CACNB4: variants seen among roughly 807,000 people sequenced by gnomAD.
The protein encoded by CACNB4 is calcium voltage-gated channel auxiliary subunit beta 4, also known as voltage-dependent L-type calcium channel subunit beta-4.
CACNB4 carries 32 observed loss-of-function variants against 71.2 expected under a neutral mutation model. That is an observed-to-expected ratio of 0.45 (90% CI 0.34 to 0.60). CACNB4 has a LOEUF of 0.60. CACNB4 is among the 20% of genes least tolerant of loss of function. CACNB4 has a pLI of 0.01. For synonymous variants in CACNB4, 231 were observed against 236.9 expected (o/e 0.97, Z 0.23); for missense variants, 464 against 647.9 (o/e 0.72, Z 3.08).
upstream of CACNB4, chr2:152,099,091 G>A (rs927473107): frequency 3.2e-6 from 3 of 944,684 alleles, no homozygotes; most frequent in East Asian, 3.1e-5. Context: ...CGGACGGAGG[G>A]GGAGGGCGCA....
intron 2 of CACNB4, among the ~76,000 whole-genome samples, chr2:151,987,937 C>T (rs2151758690): frequency 1.3e-5 from 2 of 152,290 alleles, no homozygotes; most frequent in Admixed American, 1.3e-4. Context: ...TGAAAAATCT[C>T]TACATATATT....
intron 9 of CACNB4, chr2:151,866,990 T>G (rs1243763485): frequency 6.6e-6 from 1 of 152,256 alleles, no homozygotes; most frequent in East Asian, 1.9e-4. Flanking sequence ...TACAATTAAA[T>G]AAATTCCCTT....
At chr2:151,856,219 T>TTATA (rs35495696) in intron 10 of CACNB4, among the ~76,000 whole-genome samples, 14 of 149,556 alleles carry the variant, frequency 9.4e-5, no homozygotes, top group East Asian at 5.8e-4. Flanking sequence ...TAAAAAAGTT[T>TTATA]TATATATATA....
intron 4 of CACNB4, among the ~76,000 whole-genome samples, chr2:151,878,580 CAGTT>C (rs147611042): frequency 1.5e-5 from 2 of 136,038 alleles, no homozygotes; most frequent in African/African-American, 2.5e-5. Flanking sequence ...CACACACACA[CAGTT>C]AGCTGGGTAT....
chr2:151,930,406 A>AT lies in CACNB4; in HGVS notation c.148-47037dup, dbSNP rs199978777. Among the ~76,000 whole-genome samples, 1,268 of 152,286 alleles carry AT rather than the reference A, an allele frequency of 8.3e-3. 14 individuals are homozygous for AT. The highest frequency in any genetic ancestry group is 0.029 in the African/African-American group (1,187 of 41,550). On this transcript the variant is annotated intron_variant, in intron 2 of 13. Coordinates refer to ENST00000539935, the MANE Select transcript of CACNB4 (RefSeq NM_000726.5). ...TCAGAATAAAGTATATAAAACTAAA[A>AT]TTTTTTGATATGGGGAGTATTAAAG...
intron 2 of CACNB4, among the ~76,000 whole-genome samples, chr2:152,032,557 A>C (rs1684343045): frequency 6.6e-6 from 1 of 152,254 alleles, no homozygotes; most frequent in South Asian, 2.1e-4. Context: ...GAGACATTTT[A>C]ATACAACTTT....
chr2:151,861,620 A>T (rs988912515), intron 9 of CACNB4: 2 of 152,096 alleles, frequency 1.3e-5, no homozygotes, highest in Non-Finnish European at 2.9e-5. Flanking sequence ...ACATGGGTGG[A>T]TCATTTGAGG....
At chr2:152,085,773 GC>G (rs1244552867) in intron 2 of CACNB4, among the ~76,000 whole-genome samples, 1 of 150,634 alleles carries the variant, frequency 6.6e-6, no homozygotes, top group Non-Finnish European at 1.5e-5. Flanking sequence ...CATACGTTTT[GC>G]CTGCCTGCAC....
In CACNB4 at chr2:151,833,205, T is replaced by C. The variant is rs1404619506; in HGVS notation, c.*5914A>G. Reference sequence around the variant, plus strand: ...CTCAGAATAGTAGGAAAAATCTTTTTACATCATTTTGCCATATTTCTGTTT... The same window carrying C: ...CTCAGAATAGTAGGAAAAATCTTTTCACATCATTTTGCCATATTTCTGTTT... On this transcript the variant is annotated 3_prime_UTR_variant, in exon 14 of 14. Transcript: ENST00000539935. 1 of 152,204 alleles carries C rather than the reference T, an allele frequency of 6.6e-6. No individual in the cohort carries two copies. The highest frequency in any genetic ancestry group is 2.4e-5 in the African/African-American group (1 of 41,472). The allele number at this position is 152,204 out of a possible 1,614,324, so 9.4% of individuals were successfully genotyped here. A position where few individuals can be genotyped will look rare whatever the true frequency, so the allele number is the denominator to read the frequency against.
At chr2:151,945,406 T>C (rs1560043911) in intron 2 of CACNB4, among the ~76,000 whole-genome samples, 1 of 152,174 alleles carries the variant, frequency 6.6e-6, no homozygotes, top group African/African-American at 2.4e-5. Flanking sequence ...TGATGGCTCA[T>C]GCCTGTAATC....
At chr2:152,095,107 G>A (rs1382834670) in intron 2 of CACNB4, among the ~76,000 whole-genome samples, 1 of 152,118 alleles carries the variant, frequency 6.6e-6, no homozygotes, top group Admixed American at 6.5e-5. Context: ...CCTCAAAGAA[G>A]CCATTTATTT....
intron 2 of CACNB4, among the ~76,000 whole-genome samples, chr2:151,980,561 T>C (rs2099874525): frequency 6.6e-6 from 1 of 152,258 alleles, no homozygotes; most frequent in Non-Finnish European, 1.5e-5. Context: ...ATATCCCCAC[T>C]GCCTAGCACA....
intron 2 of CACNB4, among the ~76,000 whole-genome samples, chr2:151,888,152 T>C (rs1219860891): frequency 6.6e-6 from 1 of 152,242 alleles, no homozygotes; most frequent in Non-Finnish European, 1.5e-5. Flanking sequence ...ATCTACTTAC[T>C]TACCTTGTCC....
intron 2 of CACNB4, among the ~76,000 whole-genome samples, chr2:152,029,507 A>AAAAG (rs1553815869): frequency 0.095 from 9,718 of 101,964 alleles, 506 homozygotes; most frequent in Non-Finnish European, 0.13. Context: ...AAAAAAAAAA[A>AAAAG]AAAAGAAAAG....
Position 151,870,806 on chromosome 2 carries a change from C to A in CACNB4, c.618+36G>T, listed in dbSNP as rs1424593748. 5.7e-6 allele frequency: 9 copies of A among 1,565,264 alleles called. No individual in the cohort carries two copies. The East Asian group carries it at 6.8e-5, about 12-fold the overall frequency. On this transcript the variant is annotated intron_variant, in intron 7 of 13. Coordinates refer to ENST00000539935, the MANE Select transcript of CACNB4 (RefSeq NM_000726.5). ...CATTGCAGGCATGTATATATAGGAA[C>A]CTTAACAGTAGATTTAAAAAGGAAA...
Position 152,049,629 on chromosome 2 carries a change from C to T in CACNB4, c.147+48701G>A, listed in dbSNP as rs545668138. 6.6e-5 allele frequency among the ~76,000 whole-genome samples: 10 copies of T among 152,086 alleles called. No homozygotes were observed. In the East Asian group the frequency reaches 1.9e-3, roughly 29 times the overall value. ...TTCCTCATTTTCTCTCTCTCCCTGA[C>T]CTTCTTCACCATAAGAAGGAAGTAG... On this transcript the variant is annotated intron_variant, in intron 2 of 13. Coordinates refer to ENST00000539935, the MANE Select transcript of CACNB4 (RefSeq NM_000726.5).
intron 2 of CACNB4, among the ~76,000 whole-genome samples, chr2:152,036,331 G>A (rs776651845): frequency 1.1e-4 from 16 of 152,132 alleles, no homozygotes; most frequent in South Asian, 2.1e-4. Flanking sequence ...TGAGAGTCTT[G>A]CTCTGTCTCC....
At chr2:152,012,634 GA>G (rs1683126493) in intron 2 of CACNB4, among the ~76,000 whole-genome samples, 1 of 149,006 alleles carries the variant, frequency 6.7e-6, no homozygotes. Flanking sequence ...AAAAGTAAAA[GA>G]AAAAAGTTCA....
intron 2 of CACNB4, chr2:151,973,694 A>C: frequency 6.2e-7 from 1 of 1,613,730 alleles, no homozygotes; most frequent in Non-Finnish European, 8.5e-7. Context: ...AATTCCATGC[A>C]GGTACAAATT....
Sources: allele counts gnomAD v4.1 joint callset (sites outside exome capture counted in the v4.1 genomes callset), GRCh38; gene constraint gnomAD v4.1.1; transcripts MANE v1.5; gene names NCBI Gene and HGNC (gene_info 2026-07-23, HGNC 2026-07-21).